ITPR1: variants seen among roughly 807,000 people sequenced by gnomAD.
ITPR1 encodes the protein inositol 1,4,5-trisphosphate receptor type 1.
A neutral mutation model predicts 318.4 loss-of-function variants in ITPR1; 96 were observed. That is an observed-to-expected ratio of 0.30 (90% CI 0.26 to 0.36). The LOEUF (loss-of-function observed/expected upper bound fraction) is 0.36. Among genes scored for constraint, ITPR1 ranks in the 10% least tolerant of loss-of-function variants. The pLI, the probability that ITPR1 is intolerant of heterozygous loss-of-function variation, is 1.00. For missense variants in ITPR1, 2,440 were observed against 3,460.2 expected, an observed-to-expected ratio of 0.71 and a Z score of 7.40; for synonymous variants, 1,312 against 1,289.9, an observed-to-expected ratio of 1.02 and a Z score of -0.37.
At chr3:4,533,541 T>A (rs1389413296) in intron 4 of ITPR1, among the ~76,000 whole-genome samples, 1 of 152,138 alleles carries the variant, frequency 6.6e-6, no homozygotes, top group South Asian at 2.1e-4. Context: ...CAGTGAAGAG[T>A]GGCTATTGTG....
chr3:4,759,229 G>T (rs1429782995), intron 44 of ITPR1, among the ~76,000 whole-genome samples: 1 of 152,244 alleles, frequency 6.6e-6, no homozygotes, highest in Non-Finnish European at 1.5e-5. Context: ...GCAAGGACTT[G>T]CAGGGCTGGG....
At chr3:4,524,301 G>GTTTTTT (rs56380229) in intron 4 of ITPR1, among the ~76,000 whole-genome samples, 3 of 73,490 alleles carry the variant, frequency 4.1e-5, no homozygotes, top group Non-Finnish European at 4.7e-5. Context: ...ATACTTTGAC[G>GTTTTTT]TTTTTTTTTT....
At chr3:4,748,912 C>G (rs1394398147) in intron 44 of ITPR1, among the ~76,000 whole-genome samples, 1 of 152,168 alleles carries the variant, frequency 6.6e-6, no homozygotes, top group Non-Finnish European at 1.5e-5. Flanking sequence ...TCCCAGCAGA[C>G]CCTCGCTGTT....
intron 35 of ITPR1, among the ~76,000 whole-genome samples, chr3:4,702,331 CG>C (rs776000062): frequency 6.6e-6 from 1 of 152,254 alleles, no homozygotes; most frequent in East Asian, 1.9e-4. Flanking sequence ...AAGTAGCAGT[CG>C]AGGTGAGATC....
At chr3:4,504,267 C>T (rs1028945800) in intron 2 of ITPR1, among the ~76,000 whole-genome samples, 3 of 152,014 alleles carry the variant, frequency 2.0e-5, no homozygotes, top group Non-Finnish European at 4.4e-5. Flanking sequence ...TCTGAAAAAG[C>T]GAGTAGGTTT....
chr3:4,524,301 G>GTTTTTTTTTTT, intron 4 of ITPR1, among the ~76,000 whole-genome samples: 2 of 73,494 alleles, frequency 2.7e-5, no homozygotes, highest in Non-Finnish European at 4.7e-5. Flanking sequence ...ATACTTTGAC[G>GTTTTTTTTTTT]TTTTTTTTTT....
At chr3:4,619,415 A>T (rs1016627810) in intron 4 of ITPR1, among the ~76,000 whole-genome samples, 3 of 150,910 alleles carry the variant, frequency 2.0e-5, no homozygotes, top group African/African-American at 7.3e-5. Context: ...TTCCTTTCTT[A>T]TTCTTTCTTT....
At chr3:4,688,434 A>G (rs1016667627) in intron 30 of ITPR1, 61 bp from the exon 31 acceptor site, 27 of 1,600,864 alleles carry the variant, frequency 1.7e-5, no homozygotes, top group African/African-American at 1.5e-4. Context: ...GGTGTTGGGT[A>G]TAGGAGAAGC....
At chr3:4,820,726 G>C (rs2049650874) in intron 60 of ITPR1, among the ~76,000 whole-genome samples, 1 of 152,258 alleles carries the variant, frequency 6.6e-6, no homozygotes, top group Non-Finnish European at 1.5e-5. Context: ...TGCGCTAAGT[G>C]GTGGCTCAGA....
chr3:4,829,049 A>C (rs944371463), intron 60 of ITPR1, among the ~76,000 whole-genome samples: 10 of 152,226 alleles, frequency 6.6e-5, no homozygotes, highest in African/African-American at 2.4e-4. Context: ...GGCAGATGAC[A>C]TACTGATTTA....
In ITPR1 at chr3:4,788,375, T is replaced by C. The variant is rs147270943; in HGVS notation, c.6808+236T>C. Among the ~76,000 whole-genome samples, 457 of 152,340 alleles carry C rather than the reference T, an allele frequency of 3.0e-3. 3 individuals carry two copies. Among genetic ancestry groups the C allele is most frequent in the African/African-American group, 0.01 (426 of 41,574 alleles). Reference sequence around the variant, plus strand: ...TTCATCAGAATTTGACTTGATTTGATTGGAAAGCTCCATGGAAGACTTTTT... The same window carrying C: ...TTCATCAGAATTTGACTTGATTTGACTGGAAAGCTCCATGGAAGACTTTTT... On this transcript the variant is annotated intron_variant, in intron 52 of 61. Transcript: ENST00000649015.
In ITPR1 at chr3:4,777,336, T is replaced by C. The variant is rs765993854; in HGVS notation, c.6253T>C (p.Leu2085=). 4.4e-6 allele frequency: 7 copies of C among 1,606,018 alleles called. No individual in the cohort carries two copies. The highest frequency in any genetic ancestry group is 2.2e-5 in the South Asian group (2 of 89,186). Residue 2085 remains leucine, a synonymous_variant, in exon 48 of 62, where the codon TTG becomes CTG. Coordinates refer to ENST00000649015, the MANE Select transcript of ITPR1 (RefSeq NM_001378452.1). ...CCTGATCCTCAATGATATCAATCCT[T>C]TGGGAAAGAAGAGGATGGACCTTGT... is the stretch of plus-strand genomic sequence containing the variant. The part of the protein sequence containing the change: ...TALILNDINP[L]GKKRMDLVLE...
chr3:4,614,036 A>G (rs1485924764), intron 4 of ITPR1, among the ~76,000 whole-genome samples: 1 of 152,148 alleles, frequency 6.6e-6, no homozygotes, highest in Non-Finnish European at 1.5e-5. Flanking sequence ...TTTGAACTTC[A>G]TGTAAGTGGA....
At chr3:4,825,330 A>C (rs1012606368) in intron 60 of ITPR1, among the ~76,000 whole-genome samples, 1 of 152,210 alleles carries the variant, frequency 6.6e-6, no homozygotes, top group Admixed American at 6.5e-5. Context: ...AAGTAGGCTC[A>C]ATGTGGCAGC....
intron 5 of ITPR1, among the ~76,000 whole-genome samples, chr3:4,629,187 C>CTTTATTTTAT (rs548765828): frequency 2.0e-5 from 3 of 152,100 alleles, no homozygotes; most frequent in Admixed American, 6.6e-5. Context: ...GCCGTATGAG[C>CTTTATTTTAT]TTTATTTTAT....
chr3:4,628,043 A>G (rs2125129634), intron 5 of ITPR1, among the ~76,000 whole-genome samples, 165 bp downstream of exon 5: 1 of 152,134 alleles, frequency 6.6e-6, no homozygotes, highest in South Asian at 2.1e-4. Flanking sequence ...GTAGAGAGGG[A>G]TAGATCCTAG....
intron 4 of ITPR1, among the ~76,000 whole-genome samples, chr3:4,521,964 A>G (rs1318734715): frequency 6.6e-6 from 1 of 152,220 alleles, no homozygotes; most frequent in African/African-American, 2.4e-5. Context: ...TGAATTTGGT[A>G]TCTTTCTCCA....
intron 4 of ITPR1, among the ~76,000 whole-genome samples, chr3:4,587,860 T>C (rs934198378): frequency 1.3e-5 from 2 of 152,224 alleles, no homozygotes; most frequent in African/African-American, 4.8e-5. Flanking sequence ...TCATGCTTCC[T>C]GGAGTCTTCT....
At chr3:4,603,630 C>G (rs751999753) in intron 4 of ITPR1, among the ~76,000 whole-genome samples, 14 of 152,196 alleles carry the variant, frequency 9.2e-5, no homozygotes, top group African/African-American at 3.4e-4. Flanking sequence ...GGGTTTCACC[C>G]TGTTGGACAG....
Sources: gnomAD v4.1 joint callset for allele counts (sites outside exome capture counted in the v4.1 genomes callset) on GRCh38, gnomAD v4.1.1 for gene constraint, MANE v1.5 for transcripts, NCBI Gene and HGNC (gene_info 2026-07-23, HGNC 2026-07-21) for gene names.